TPH2: variants seen among roughly 807,000 people sequenced by gnomAD.
TPH2 encodes the protein tryptophan hydroxylase 2, also known as tryptophan 5-hydroxylase 2.
In TPH2, 27 loss-of-function variants were observed where a neutral mutation model predicts 59.1. That is an observed-to-expected ratio of 0.46 (90% CI 0.34 to 0.63). TPH2 has a LOEUF of 0.63. TPH2 is among the 30% of genes least tolerant of loss of function. TPH2 has a pLI of 0.01. For missense variants in TPH2, 523 were observed against 588.3 expected, an observed-to-expected ratio of 0.89 and a Z score of 1.15; for synonymous variants, 220 against 210.5, an observed-to-expected ratio of 1.05 and a Z score of -0.39.
intron 5 of TPH2, chr12:71,965,409 A>G (rs954896760): frequency 2.6e-5 from 4 of 152,220 alleles, no homozygotes; most frequent in Non-Finnish European, 4.4e-5. Context: ...CCAACAGTGT[A>G]TAAGTGTTTC....
rs560203761 is a variant in TPH2, at chr12:71,944,439, C to T, written c.401C>T (p.Thr134Met). ...CTGAAATTTCAAACCACTATTGTGACGCTGAATCCTCCAGAGAACATTTGG... is the reference window on the plus strand; with the variant it reads ...CTGAAATTTCAAACCACTATTGTGATGCTGAATCCTCCAGAGAACATTTGG... ...QLLKFQTTIV[T>M]LNPPENIWTE... is the part of the protein sequence containing the mutation. Residue 134 changes from threonine to methionine, a missense_variant, in exon 3 of 11, where the codon ACG (threonine) becomes ATG (methionine). Coordinates refer to ENST00000333850, the MANE Select transcript of TPH2 (RefSeq NM_173353.4). The T allele has an allele frequency of 3.5e-5, 56 of 1,613,926 alleles. No individual in the cohort carries two copies. The highest frequency in any genetic ancestry group is 1.3e-4 in the East Asian group (6 of 44,878).
chr12:71,956,120 C>T (rs745584364), intron 5 of TPH2, among the ~76,000 whole-genome samples: 6 of 152,192 alleles, frequency 3.9e-5, no homozygotes, highest in East Asian at 3.9e-4. Flanking sequence ...TGTTTAGCAA[C>T]GTGGCCTCTC....
chr12:71,982,140 G>A (rs7954142), intron 7 of TPH2, among the ~76,000 whole-genome samples: 86,637 of 149,428 alleles, frequency 0.58, 25,390 homozygotes, highest in African/African-American at 0.61. Context: ...AGTAGCTGGG[G>A]TTACAGGCGT....
intron 8 of TPH2, among the ~76,000 whole-genome samples, chr12:72,007,577 T>A (rs978831245): frequency 6.6e-6 from 1 of 152,156 alleles, no homozygotes; most frequent in Non-Finnish European, 1.5e-5. Flanking sequence ...CTGAAAGATG[T>A]TGTTTGCTCT....
intron 8 of TPH2, among the ~76,000 whole-genome samples, chr12:72,009,189 C>G (rs924638523): frequency 1.3e-5 from 2 of 152,090 alleles, no homozygotes; most frequent in Non-Finnish European, 2.9e-5. Flanking sequence ...GGAAGTGGAA[C>G]TTCATCTTCA....
chr12:71,966,692 C>T (rs1871828557), intron 5 of TPH2, among the ~76,000 whole-genome samples: 1 of 152,202 alleles, frequency 6.6e-6, no homozygotes. Flanking sequence ...CTGTTTGCTC[C>T]TTGCCACTGA....
intron 6 of TPH2, among the ~76,000 whole-genome samples, chr12:71,976,368 G>A (rs1489659709): frequency 6.6e-6 from 1 of 152,154 alleles, no homozygotes; most frequent in Non-Finnish European, 1.5e-5. Flanking sequence ...TATGATGTAA[G>A]TATAGGTGTC....
At chr12:71,993,322 T>C (rs535975533) in intron 7 of TPH2, among the ~76,000 whole-genome samples, 16 of 152,252 alleles carry the variant, frequency 1.1e-4, no homozygotes, top group Non-Finnish European at 2.1e-4. Flanking sequence ...TTTGAAGTGA[T>C]AGATTTCAGA....
intron 8 of TPH2, among the ~76,000 whole-genome samples, chr12:72,013,566 A>T (rs1873156639): frequency 6.6e-6 from 1 of 152,146 alleles, no homozygotes; most frequent in Non-Finnish European, 1.5e-5. Context: ...TCAAAATTTG[A>T]CACAAGCTTC....
chr12:71,991,981 T>C (rs1256484927), intron 7 of TPH2, among the ~76,000 whole-genome samples: 1 of 151,974 alleles, frequency 6.6e-6, no homozygotes, highest in African/African-American at 2.4e-5. Context: ...GGTGAGAGTT[T>C]AAAAAAAATG....
At chr12:72,027,343 G>A (rs1873599434) in intron 9 of TPH2, among the ~76,000 whole-genome samples, 1 of 152,102 alleles carries the variant, frequency 6.6e-6, no homozygotes, top group Admixed American at 6.6e-5. Flanking sequence ...CATCATCTCT[G>A]GACTGAATTA....
intron 9 of TPH2, among the ~76,000 whole-genome samples, chr12:72,026,644 A>G (rs1374592793): frequency 6.6e-6 from 1 of 152,090 alleles, no homozygotes; most frequent in Non-Finnish European, 1.5e-5. Flanking sequence ...CTTTCTTCTC[A>G]TGAAGTTAGT....
chr12:71,984,328 C>T (rs1306391887), intron 7 of TPH2, among the ~76,000 whole-genome samples: 3 of 152,038 alleles, frequency 2.0e-5, no homozygotes, highest in South Asian at 2.1e-4. Flanking sequence ...ATTTTTCATC[C>T]GTTTCTAAGT....
intron 8 of TPH2, among the ~76,000 whole-genome samples, chr12:72,007,574 A>T (rs1209110557): frequency 1.3e-5 from 2 of 152,114 alleles, no homozygotes; most frequent in Non-Finnish European, 2.9e-5. Context: ...GTTCTGAAAG[A>T]TGTTGTTTGC....
intron 8 of TPH2, among the ~76,000 whole-genome samples, chr12:72,008,728 G>T (rs1873020947): frequency 6.6e-6 from 1 of 152,168 alleles, no homozygotes; most frequent in Non-Finnish European, 1.5e-5. Context: ...TGAGCCATTA[G>T]TTTTCTGAGT....
At chr12:71,972,407 G>A (rs905501751) in intron 5 of TPH2, 112 bp from the exon 6 acceptor site, 13 of 988,888 alleles carry the variant, frequency 1.3e-5, no homozygotes, top group African/African-American at 1.1e-4. Context: ...CCTTTCAGAC[G>A]CTCATGTGCT....
At position 72,031,378 on chromosome 12, in the gene TPH2, A is replaced by G; in HGVS notation, c.1285A>G (p.Lys429Glu). 6.2e-7 allele frequency: 1 copy of G among 1,613,728 alleles called. No individual in the cohort carries two copies. The highest frequency in any genetic ancestry group is 8.5e-7 in the Non-Finnish European group (1 of 1,179,644). ...TGTTTCAGAAAGTTTTGAAGAAGCCAAAGAAAAGATGAGGTAAACTTTTTT... is the reference window on the plus strand; with the variant it reads ...TGTTTCAGAAAGTTTTGAAGAAGCCGAAGAAAAGATGAGGTAAACTTTTTT... ...YFVSESFEEAKEKMRDFAKSI... is the reference protein window; with the variant it reads ...YFVSESFEEAEEKMRDFAKSI... Residue 429 changes from lysine to glutamate, a missense_variant, in exon 10 of 11, where the codon AAA (lysine) becomes GAA (glutamate). Physicochemically the swap from Lys to Glu is moderately conservative, Grantham distance 56. Transcript: ENST00000333850.
At chr12:71,996,537 A>G (rs1372420889) in intron 8 of TPH2, among the ~76,000 whole-genome samples, 1 of 152,040 alleles carries the variant, frequency 6.6e-6, no homozygotes, top group East Asian at 1.9e-4. Context: ...TTGCCTTGAA[A>G]TTTTCTGGTT....
intron 9 of TPH2, among the ~76,000 whole-genome samples, chr12:72,029,246 G>A (rs763828729): frequency 2.6e-5 from 4 of 152,174 alleles, no homozygotes; most frequent in Admixed American, 2.0e-4. Context: ...GGGAGCCATG[G>A]CTTTAATGTT....
Sources: gnomAD v4.1 joint callset for allele counts (sites outside exome capture counted in the v4.1 genomes callset) on GRCh38, gnomAD v4.1.1 for gene constraint, MANE v1.5 for transcripts, NCBI Gene and HGNC (gene_info 2026-07-23, HGNC 2026-07-21) for gene names.